The following GASK1B variants were observed in gnomAD, a reference collection of about 807,000 sequenced individuals.
GASK1B encodes the protein golgi associated kinase 1B.
GASK1B carries 34 observed loss-of-function variants against 42.8 expected under a neutral mutation model. The observed-to-expected ratio is 0.79, with a 90% CI of 0.60 to 1.06. GASK1B has a LOEUF of 1.06. Among genes scored for constraint, GASK1B ranks in the 50% least tolerant of loss-of-function variants. The probability of loss-of-function intolerance (pLI) is 0.00; values close to 1 mark genes in which losing one functional copy is unlikely to be tolerated. For missense variants in GASK1B, 686 were observed against 661.0 expected (o/e 1.04, Z -0.42); for synonymous variants, 262 against 259.1 (o/e 1.01, Z -0.11).
chr4:158,160,277 T>G (rs1731922669), intron 2 of GASK1B, among the ~76,000 whole-genome samples: 1 of 152,176 alleles, frequency 6.6e-6, no homozygotes, highest in African/African-American at 2.4e-5. Context: ...AAGGTTTTCA[T>G]GATTTTTAAA....
chr4:158,133,336 A>G (rs1021899424), intron 3 of GASK1B, among the ~76,000 whole-genome samples: 5 of 152,172 alleles, frequency 3.3e-5, no homozygotes, highest in Non-Finnish European at 5.9e-5. Flanking sequence ...CTAAATATCA[A>G]AGTCTATTAT....
chr4:158,152,583 A>G (rs1287515734), intron 3 of GASK1B, among the ~76,000 whole-genome samples: 1 of 152,122 alleles, frequency 6.6e-6, no homozygotes, highest in Non-Finnish European at 1.5e-5. Flanking sequence ...CTGATGAGCA[A>G]AGATGCAAAA....
rs1489889888 is a variant in GASK1B at position 158,170,650 on chromosome 4, G to T, written c.726C>A (p.Ser242Arg). 1.9e-6 allele frequency: 3 copies of T among 1,613,898 alleles called. No individual in the cohort carries two copies. Among genetic ancestry groups the T allele is most frequent in the East Asian group, 2.2e-5 (1 of 44,878 alleles). ...VAGLRPVSSR[S>R]GARLLVLEGG... ...CCTCCAGCACCAGCAAACGGGCTCC[G>T]CTCCTAGAGGACACAGGCCGGAGCC... The change falls in exon 2 of 5, where the codon AGC becomes AGA. Residue 242 changes from serine (S) to arginine (R), a missense_variant. Ser to Arg is a moderately radical substitution (Grantham distance 110). Transcript: ENST00000585682.
Position 158,171,343 on chromosome 4 carries a change from T to A in GASK1B, c.33A>T (p.Ile11=). 1 of 1,605,030 alleles carries A rather than the reference T, an allele frequency of 6.2e-7. No individual in the cohort carries two copies. Residue 11 remains isoleucine (I), a synonymous_variant, in exon 2 of 5, where the codon ATA becomes ATT. Coordinates refer to ENST00000585682, the MANE Select transcript of GASK1B (RefSeq NM_001128424.2). ...CGCACAGGGAGCAGATGAACCAGTT[T>A]ATGAGCTGCCCCGGCTTGTCTGGAC... The part of the protein sequence containing the change: MTCPDKPGQL[I]NWFICSLCVP...
At chr4:158,147,565 C>T (rs1731376988) in intron 3 of GASK1B, among the ~76,000 whole-genome samples, 1 of 148,314 alleles carries the variant, frequency 6.7e-6, no homozygotes, top group Non-Finnish European at 1.5e-5. Context: ...ATCATGTCAA[C>T]ACACTTCAGC....
intron 3 of GASK1B, among the ~76,000 whole-genome samples, chr4:158,142,166 G>C (rs1025093968): frequency 2.0e-5 from 3 of 148,176 alleles, no homozygotes; most frequent in Admixed American, 6.7e-5. Context: ...GGATGGTCTC[G>C]ATCTCCTGAC....
At chr4:158,130,701 C>G (rs1400815421) in intron 4 of GASK1B, 85 bp downstream of exon 4, 2 of 977,742 alleles carry the variant, frequency 2.0e-6, no homozygotes, top group Admixed American at 4.9e-5. Context: ...TTAAAATGAT[C>G]AGATGTAAGA....
At chr4:158,129,736 C>A (rs963258129) in intron 4 of GASK1B, among the ~76,000 whole-genome samples, 3 of 152,158 alleles carry the variant, frequency 2.0e-5, no homozygotes, top group African/African-American at 7.2e-5. Context: ...AGGTTTCCAG[C>A]AGTCACCTAG....
intron 3 of GASK1B, among the ~76,000 whole-genome samples, chr4:158,141,642 T>C (rs1244312859): frequency 2.1e-5 from 3 of 142,656 alleles, no homozygotes; most frequent in Non-Finnish European, 3.0e-5. Flanking sequence ...AATCTCGCTC[T>C]GTCGCACAGG....
At chr4:158,135,071 G>A (rs569933981) in intron 3 of GASK1B, among the ~76,000 whole-genome samples, 1 of 152,248 alleles carries the variant, frequency 6.6e-6, no homozygotes, top group East Asian at 1.9e-4. Flanking sequence ...GCTGGCTCAT[G>A]CCTGTAATCC....
intron 4 of GASK1B, 74 bp downstream of exon 4, chr4:158,130,712 T>C (rs1402758205): frequency 1.5e-5 from 16 of 1,092,098 alleles, no homozygotes; most frequent in South Asian, 2.9e-5. Context: ...AGATGTAAGA[T>C]GTGAGTTTTC....
In GASK1B at chr4:158,170,669, C is replaced by T. The variant is rs1047205925; in HGVS notation, c.707G>A (p.Arg236Gln). Residue 236 changes from arginine (R) to glutamine (Q), a missense_variant, in exon 2 of 5, where the codon CGG (arginine) becomes CAG (glutamine). Coordinates refer to ENST00000585682, the MANE Select transcript of GASK1B (RefSeq NM_001128424.2). ...GGCTCCGCTCCTAGAGGACACAGGC[C>T]GGAGCCCTGCCACTGCGCTGTCCGC... ...LLADSAVAGL[R>Q]PVSSRSGARL... The T allele has an allele frequency of 4.3e-6, 7 of 1,614,106 alleles. No individual in the cohort carries two copies. Among genetic ancestry groups the T allele is most frequent in the Non-Finnish European group, 5.9e-6 (7 of 1,180,036 alleles).
chr4:158,137,833 G>A (rs982908053), intron 3 of GASK1B, among the ~76,000 whole-genome samples: 5 of 152,094 alleles, frequency 3.3e-5, no homozygotes, highest in Non-Finnish European at 7.4e-5. Context: ...TTAAATTAGT[G>A]AGCATGCATA....
At chr4:158,155,924 A>T in intron 2 of GASK1B, 99 bp from the exon 3 acceptor site, 1 of 901,930 alleles carries the variant, frequency 1.1e-6, no homozygotes, top group Non-Finnish European at 1.7e-6. Context: ...ACGCTCACCT[A>T]TCAAATGTGA....
At chr4:158,159,390 A>T (rs1347083365) in intron 2 of GASK1B, 2 of 341,222 alleles carry the variant, frequency 5.9e-6, no homozygotes, top group African/African-American at 4.3e-5. Flanking sequence ...AATGAGTACT[A>T]CTGTTGAGGA....
At chr4:158,170,258 C>T (rs201127725) in intron 2 of GASK1B, 1 of 1,614,138 alleles carries the variant, frequency 6.2e-7, no homozygotes, top group East Asian at 2.2e-5. Context: ...CTTGCATGTC[C>T]AATACAGCAT....
intron 3 of GASK1B, among the ~76,000 whole-genome samples, chr4:158,135,075 G>C (rs769372599): frequency 5.8e-4 from 88 of 152,196 alleles, no homozygotes; most frequent in Non-Finnish European, 1.1e-3. Context: ...GCTCATGCCT[G>C]TAATCCCAGC....
intron 4 of GASK1B, among the ~76,000 whole-genome samples, chr4:158,129,091 G>T (rs533073313): frequency 6.6e-6 from 1 of 152,032 alleles, no homozygotes; most frequent in Non-Finnish European, 1.5e-5. Context: ...ATAAATTGGG[G>T]GTTAGAAAAG....
intron 4 of GASK1B, 22 bp downstream of exon 4, chr4:158,130,764 C>T: frequency 1.3e-6 from 2 of 1,546,658 alleles, no homozygotes; most frequent in Non-Finnish European, 1.8e-6. Flanking sequence ...TGATGTCCTG[C>T]AGATGTTACT....
Sources: gnomAD v4.1 joint callset for allele counts (sites outside exome capture counted in the v4.1 genomes callset) on GRCh38, gnomAD v4.1.1 for gene constraint, MANE v1.5 for transcripts, NCBI Gene and HGNC (gene_info 2026-07-23, HGNC 2026-07-21) for gene names.